CADPS: variants seen among roughly 807,000 people sequenced by gnomAD.
The protein encoded by CADPS is calcium dependent secretion activator, also known as calcium-dependent secretion activator 1.
CADPS carries 57 observed loss-of-function variants against 167.3 expected under a neutral mutation model. The ratio of observed to expected loss-of-function variants is 0.34; its 90% CI spans 0.28 to 0.42. CADPS has a LOEUF of 0.42. Ranked by LOEUF, CADPS falls within the 20% of genes least tolerant of loss-of-function variation. The pLI is 1.00. For missense variants in CADPS, 1,414 were observed against 1,738.1 expected, an observed-to-expected ratio of 0.81 and a Z score of 3.32; for synonymous variants, 676 against 635.3, an observed-to-expected ratio of 1.06 and a Z score of -0.96.
chr3:62,865,202 A>G (rs1288016879), intron 1 of CADPS, among the ~76,000 whole-genome samples: 1 of 152,176 alleles, frequency 6.6e-6, no homozygotes, highest in Non-Finnish European at 1.5e-5. Flanking sequence ...GTTTTTCTAC[A>G]TGGGCAACAG....
chr3:62,527,800 T>G (rs999935193), intron 13 of CADPS, among the ~76,000 whole-genome samples: 1 of 152,074 alleles, frequency 6.6e-6, no homozygotes, highest in Non-Finnish European at 1.5e-5. Context: ...GGTTGTGAGA[T>G]CTCAGTGGAA....
chr3:62,409,206 G>A (rs1343751058), intron 28 of CADPS, among the ~76,000 whole-genome samples: 1 of 152,234 alleles, frequency 6.6e-6, no homozygotes, highest in Non-Finnish European at 1.5e-5. Flanking sequence ...CAAGTTTCAA[G>A]TTGGTTATTT....
chr3:62,401,726 T>C (rs1706241624), intron 29 of CADPS, among the ~76,000 whole-genome samples: 1 of 129,008 alleles, frequency 7.8e-6, no homozygotes, highest in Non-Finnish European at 1.7e-5. Context: ...CTGTGGCTCA[T>C]ACCACATTTT....
intron 3 of CADPS, among the ~76,000 whole-genome samples, chr3:62,747,276 T>C (rs1469671813): frequency 5.3e-5 from 8 of 151,974 alleles, no homozygotes; most frequent in Non-Finnish European, 2.9e-5. Flanking sequence ...CGAAGAACTA[T>C]ATTGTTGTTA....
intron 1 of CADPS, among the ~76,000 whole-genome samples, chr3:62,859,349 C>T (rs768108233): frequency 1.3e-5 from 2 of 152,090 alleles, no homozygotes; most frequent in South Asian, 4.2e-4. Flanking sequence ...CAAATGGAGG[C>T]GGGAACAAGT....
At chr3:62,862,236 TAGAC>T (rs2080942451) in intron 1 of CADPS, among the ~76,000 whole-genome samples, 1 of 149,354 alleles carries the variant, frequency 6.7e-6, no homozygotes, top group African/African-American at 2.5e-5. Context: ...TTTTTTTTTT[TAGAC>T]AGAGTCTTGC....
At chr3:62,435,569 C>G (rs1297939069) in intron 28 of CADPS, among the ~76,000 whole-genome samples, 1 of 152,110 alleles carries the variant, frequency 6.6e-6, no homozygotes, top group Non-Finnish European at 1.5e-5. Flanking sequence ...GTTAGGTTGC[C>G]TAGCACCAAT....
intron 3 of CADPS, among the ~76,000 whole-genome samples, chr3:62,679,940 T>C (rs982935836): frequency 1.3e-5 from 2 of 152,024 alleles, no homozygotes; most frequent in African/African-American, 4.8e-5. Flanking sequence ...TGCAGAATCA[T>C]TGATAAATTA....
intron 1 of CADPS, among the ~76,000 whole-genome samples, chr3:62,789,541 A>C (rs1389994568): frequency 6.6e-6 from 1 of 152,148 alleles, no homozygotes; most frequent in Non-Finnish European, 1.5e-5. Flanking sequence ...TTGTTCTTTG[A>C]GACTCAGTAA....
intron 6 of CADPS, among the ~76,000 whole-genome samples, chr3:62,609,546 G>A (rs2061196440): frequency 6.6e-6 from 1 of 152,192 alleles, no homozygotes; most frequent in African/African-American, 2.4e-5. Context: ...CCTCATTTGA[G>A]TCTTGGTTTC....
At chr3:62,628,624 C>CT (rs1265630328) in intron 6 of CADPS, among the ~76,000 whole-genome samples, 3 of 19,508 alleles carry the variant, frequency 1.5e-4, no homozygotes, top group East Asian at 0.011. Context: ...CAACCATGAG[C>CT]CTTTTTTTTT....
intron 26 of CADPS, among the ~76,000 whole-genome samples, chr3:62,464,471 T>A (rs892707791): frequency 1.3e-5 from 2 of 152,186 alleles, no homozygotes; most frequent in African/African-American, 2.4e-5. Context: ...AGCAGGAACC[T>A]GCTGTCAGAA....
rs1038588222 is a variant in CADPS at position 62,433,057 on chromosome 3, C to T, written c.3777+5047G>A. ...CTGGTGATATACCTTACAGATATAG[C>T]GTCATGTCCTCCTTGTAGCCTATTA... On this transcript the variant is annotated intron_variant, in intron 28 of 29. Transcript: ENST00000383710. The surrounding 1 kb of genome is among the most constrained non-coding windows in gnomAD (Gnocchi z 4.7). Among the ~76,000 whole-genome samples, 19 of 152,060 alleles carry T rather than the reference C, an allele frequency of 1.2e-4. No homozygotes were observed. Among genetic ancestry groups the T allele is most frequent in the East Asian group, 7.7e-4 (4 of 5,186 alleles).
intron 24 of CADPS, among the ~76,000 whole-genome samples, chr3:62,468,696 C>A (rs1385588815): frequency 6.6e-6 from 1 of 152,184 alleles, no homozygotes; most frequent in Non-Finnish European, 1.5e-5. Flanking sequence ...TTTCTCCAGG[C>A]AGTCCCACTA....
intron 23 of CADPS, among the ~76,000 whole-genome samples, chr3:62,475,600 A>ACAAAC (rs1023570967): frequency 1.3e-5 from 2 of 150,258 alleles, no homozygotes; most frequent in African/African-American, 4.9e-5. Context: ...AAAAAAAAAA[A>ACAAAC]AAAAAAAAAA....
At chr3:62,805,936 A>G (rs2094063343) in intron 1 of CADPS, among the ~76,000 whole-genome samples, 1 of 152,112 alleles carries the variant, frequency 6.6e-6, no homozygotes, top group Non-Finnish European at 1.5e-5. Context: ...AGCTGTCACC[A>G]GTAACCTCCT....
At chr3:62,683,475 T>C (rs931866838) in intron 3 of CADPS, among the ~76,000 whole-genome samples, 4 of 152,050 alleles carry the variant, frequency 2.6e-5, no homozygotes, top group Non-Finnish European at 4.4e-5. Context: ...TTGGAATCAT[T>C]TTAGATTTAC....
chr3:62,429,950 T>C (rs374139335), intron 28 of CADPS, among the ~76,000 whole-genome samples: 1 of 152,176 alleles, frequency 6.6e-6, no homozygotes, highest in East Asian at 1.9e-4. Flanking sequence ...CAGAGAAAAT[T>C]CAAGACTGGC....
chr3:62,567,859 G>A (rs1288577827), intron 9 of CADPS, among the ~76,000 whole-genome samples: 1 of 152,128 alleles, frequency 6.6e-6, no homozygotes, highest in Non-Finnish European at 1.5e-5. Context: ...ACAGGCGTCA[G>A]CCACTGCTCC....
Sources: gnomAD v4.1 joint callset for allele counts (sites outside exome capture counted in the v4.1 genomes callset) on GRCh38, gnomAD v4.1.1 for gene constraint, Gnocchi (gnomAD v3.1) non-coding constraint, MANE v1.5 for transcripts, NCBI Gene and HGNC (gene_info 2026-07-23, HGNC 2026-07-21) for gene names.